The following AFF3 variants were observed in gnomAD, a reference collection of about 807,000 sequenced individuals.
AFF3 encodes ALF transcription elongation factor 3, also known as AF4/FMR2 family member 3.
A neutral mutation model predicts 129.7 loss-of-function variants in AFF3; 32 were observed. The ratio of observed to expected loss-of-function variants is 0.25; its 90% CI spans 0.19 to 0.33. AFF3 has a LOEUF of 0.33. AFF3 is among the 10% of genes least tolerant of loss of function. The pLI is 1.00. For missense variants in AFF3, 1,373 were observed against 1,592.0 expected (o/e 0.86, Z 2.34); for synonymous variants, 644 against 635.4 (o/e 1.01, Z -0.20).
chr2:100,040,302 G>A (rs1685317962), intron 4 of AFF3, among the ~76,000 whole-genome samples: 1 of 152,258 alleles, frequency 6.6e-6, no homozygotes, highest in Non-Finnish European at 1.5e-5. Context: ...TCCCTATACA[G>A]TGTTCCACCC....
At chr2:99,574,019 CA>C (rs960411366) in intron 18 of AFF3, among the ~76,000 whole-genome samples, 5 of 152,180 alleles carry the variant, frequency 3.3e-5, no homozygotes, top group African/African-American at 1.2e-4. Flanking sequence ...GCCTTCATGA[CA>C]CAGTTGTTCT....
intron 7 of AFF3, among the ~76,000 whole-genome samples, chr2:99,839,731 T>A (rs1689173521): frequency 6.6e-6 from 1 of 151,802 alleles, no homozygotes; most frequent in Non-Finnish European, 1.5e-5. Context: ...CTGGCCTCAG[T>A]CACCCGAGTA....
At chr2:100,055,252 C>T (rs898033570) in intron 4 of AFF3, among the ~76,000 whole-genome samples, 1 of 151,922 alleles carries the variant, frequency 6.6e-6, no homozygotes, top group Non-Finnish European at 1.5e-5. Context: ...ACCTTAGGGC[C>T]AGAATTTTTG....
At chr2:99,695,962 CAAAAGAAAAAACCA>C (rs1676213765) in intron 11 of AFF3, among the ~76,000 whole-genome samples, 1 of 90,066 alleles carries the variant, frequency 1.1e-5, no homozygotes. Context: ...AAAAAAAAAC[CAAAAGAAAAAACCA>C]AAAAAAAAAA....
chr2:99,672,175 TTCTCACACACACACACACAC>T (rs1687203386), intron 12 of AFF3, among the ~76,000 whole-genome samples: 1 of 139,632 alleles, frequency 7.2e-6, no homozygotes, highest in East Asian at 2.1e-4. Context: ...GCCAGTTAGC[TTCTCACACACACACACACAC>T]ACACACACAC....
intron 7 of AFF3, among the ~76,000 whole-genome samples, chr2:99,954,129 C>G (rs1381835217): frequency 6.6e-6 from 1 of 151,908 alleles, no homozygotes; most frequent in African/African-American, 2.4e-5. Flanking sequence ...TAAGAAACCT[C>G]AAAGAATAAG....
At chr2:100,029,632 TAGA>T (rs1172800188) in intron 4 of AFF3, among the ~76,000 whole-genome samples, 2 of 152,092 alleles carry the variant, frequency 1.3e-5, no homozygotes, top group East Asian at 1.9e-4. Flanking sequence ...AGACAGAAAG[TAGA>T]AGGACGGCCA....
chr2:99,550,536 G>C lies in AFF3; in HGVS notation c.*938C>G, dbSNP rs1674334076. ...AGCTATTGGTGGAAAGAAAAGACTT[G>C]AAACAGATTGGCTGACAAATGCCAT... On this transcript the variant is annotated 3_prime_UTR_variant, in exon 25 of 25. Transcript: ENST00000672756. 1 of 232,170 alleles carries C rather than the reference G, an allele frequency of 4.3e-6. No individual in the cohort carries two copies. 14.4% of individuals were successfully genotyped at this position (232,170 alleles called of 1,614,324 possible).
chr2:99,631,389 C>T (rs1028872943), intron 13 of AFF3, among the ~76,000 whole-genome samples: 3 of 152,194 alleles, frequency 2.0e-5, no homozygotes, highest in Non-Finnish European at 2.9e-5. Flanking sequence ...TTTAAGTGTT[C>T]AGTTCAGTAG....
At chr2:99,722,599 TTGTAGGCAGTAGC>T (rs768539383) in intron 11 of AFF3, among the ~76,000 whole-genome samples, 9 of 152,280 alleles carry the variant, frequency 5.9e-5, no homozygotes, top group Middle Eastern at 3.4e-3. Context: ...ATTCTGAACT[TTGTAGGCAGTAGC>T]TGTAGGCAGT....
At chr2:99,699,113 G>T (rs941835814) in intron 11 of AFF3, among the ~76,000 whole-genome samples, 2 of 152,198 alleles carry the variant, frequency 1.3e-5, no homozygotes, top group African/African-American at 4.8e-5. Context: ...ACATTTAAAT[G>T]ATGCAATCAT....
At chr2:99,716,891 A>AT (rs1553438362) in intron 11 of AFF3, among the ~76,000 whole-genome samples, 49 of 87,394 alleles carry the variant, frequency 5.6e-4, no homozygotes, top group African/African-American at 1.5e-3. Context: ...TCAAAAAAAA[A>AT]ATATATATAT....
At chr2:99,918,637 T>C (rs963521501) in intron 7 of AFF3, among the ~76,000 whole-genome samples, 9 of 152,184 alleles carry the variant, frequency 5.9e-5, no homozygotes, top group Non-Finnish European at 8.8e-5. Context: ...CTAACGCAAA[T>C]AGGTATTCAA....
intron 9 of AFF3, among the ~76,000 whole-genome samples, chr2:99,746,091 C>A: frequency 6.6e-6 from 1 of 150,642 alleles, no homozygotes; most frequent in Middle Eastern, 3.4e-3. Flanking sequence ...ATCCATGTAA[C>A]CAAAAACCAC....
intron 12 of AFF3, among the ~76,000 whole-genome samples, chr2:99,662,267 C>A (rs1167912899): frequency 6.6e-6 from 1 of 152,018 alleles, no homozygotes; most frequent in Non-Finnish European, 1.5e-5. Flanking sequence ...ACTTCATATA[C>A]GGATATGAAA....
chr2:100,104,707 C>G, intron 3 of AFF3, 189 bp from the exon 4 acceptor site: 1 of 966,414 alleles, frequency 1.0e-6, no homozygotes, highest in Non-Finnish European at 1.2e-6. Context: ...CAAGAGAGAG[C>G]AGCGAGCTCG....
chr2:99,682,475 C>T (rs1213209656), intron 11 of AFF3, among the ~76,000 whole-genome samples: 4 of 152,176 alleles, frequency 2.6e-5, no homozygotes, highest in African/African-American at 9.7e-5. Flanking sequence ...TAGAATTCTT[C>T]AGTAGTTGTT....
At chr2:99,580,067 G>T (rs1677381745) in intron 17 of AFF3, among the ~76,000 whole-genome samples, 1 of 152,104 alleles carries the variant, frequency 6.6e-6, no homozygotes, top group African/African-American at 2.4e-5. Flanking sequence ...CTTGGTAAAA[G>T]GAGCGATCCC....
chr2:99,939,904 T>C (rs886235546), intron 7 of AFF3, among the ~76,000 whole-genome samples: 61 of 152,246 alleles, frequency 4.0e-4, no homozygotes, highest in Non-Finnish European at 7.5e-4. Flanking sequence ...TATTTAAGTC[T>C]TGCTCTCAAT....
Sources: allele counts gnomAD v4.1 joint callset (sites outside exome capture counted in the v4.1 genomes callset), GRCh38; gene constraint gnomAD v4.1.1; transcripts MANE v1.5; gene names NCBI Gene and HGNC (gene_info 2026-07-23, HGNC 2026-07-21).